The following MTA3 variants were observed in gnomAD, a reference collection of about 807,000 sequenced individuals.
MTA3 encodes the protein metastasis-associated protein MTA3.
In MTA3, 34 loss-of-function variants were observed where a neutral mutation model predicts 83.5. That is an observed-to-expected ratio of 0.41 (90% confidence interval 0.31 to 0.54). MTA3 has a LOEUF of 0.54. Ranked by LOEUF, MTA3 falls within the 20% of genes least tolerant of loss-of-function variation. MTA3 has a pLI of 0.33. For missense variants in MTA3, 761 were observed against 726.4 expected (o/e 1.05, Z -0.55); for synonymous variants, 303 against 252.7 (o/e 1.20, Z -1.89).
Position 42,602,584 on chromosome 2 carries a change from T to TA in MTA3, c.191-6873dup, listed in dbSNP as rs576630457. Among the ~76,000 whole-genome samples the TA allele has an allele frequency of 1.2e-3, 190 of 152,268 alleles. 1 individual carries two copies. The highest frequency in any genetic ancestry group is 4.4e-3 in the African/African-American group (181 of 41,550). On this transcript the variant is annotated intron_variant, in intron 3 of 16. Coordinates refer to ENST00000405094, the MANE Select transcript of MTA3 (RefSeq NM_001330442.2). ...TTCAGTCTTTTAAATTTTTAGCTATTATGGTACCATAAGTTTAATGCTTCA... is the reference window on the plus strand; with the variant it reads ...TTCAGTCTTTTAAATTTTTAGCTATTAATGGTACCATAAGTTTAATGCTTCA...
intron 2 of MTA3, 61 bp from the exon 3 acceptor site, chr2:42,579,046 T>G: frequency 2.6e-6 from 3 of 1,146,430 alleles, no homozygotes; most frequent in Non-Finnish European, 3.7e-6. Flanking sequence ...CTAGTTTCGT[T>G]GTATAAATTA....
chr2:42,689,122 T>C (rs878858346), intron 9 of MTA3, among the ~76,000 whole-genome samples: 2 of 152,212 alleles, frequency 1.3e-5, no homozygotes, highest in Non-Finnish European at 2.9e-5. Flanking sequence ...TCTTTTGATA[T>C]GGTGAATAAC....
Position 42,570,433 on chromosome 2 carries a change from A to G in MTA3, c.29-4A>G, listed in dbSNP as rs1229814915. The stretch of plus-strand genomic sequence containing the variant: ...ATTAAGTTCTGTACTTCCTTTAATT[A>G]CAGATTATGTCTACTTTGAGAATTC... On this transcript the variant is annotated splice_region_variant and splice_polypyrimidine_tract_variant and intron_variant, in intron 1 of 16. Coordinates refer to ENST00000405094, the MANE Select transcript of MTA3 (RefSeq NM_001330442.2). The G allele has an allele frequency of 1.3e-6, 2 of 1,515,120 alleles. No individual in the cohort carries two copies. Among genetic ancestry groups the G allele is most frequent in the South Asian group, 1.2e-5 (1 of 82,206 alleles). The allele number at this position is 1,515,120 out of a possible 1,614,324, so 93.9% of individuals were successfully genotyped here.
At chr2:42,594,323 G>A (rs939596641) in intron 3 of MTA3, among the ~76,000 whole-genome samples, 1 of 141,932 alleles carries the variant, frequency 7.0e-6, no homozygotes, top group Non-Finnish European at 1.5e-5. Context: ...AGCAACCTCT[G>A]CCTCCCGGGC....
chr2:42,499,865 A>AGT (rs1674317323), intron 2 of MTA3, among the ~76,000 whole-genome samples: 1 of 152,150 alleles, frequency 6.6e-6, no homozygotes, highest in African/African-American at 2.4e-5. Context: ...CAGTTTCAAA[A>AGT]GTGTATACTC....
Position 42,676,636 on chromosome 2 carries a change from T to G in MTA3, c.703-5765T>G, listed in dbSNP as rs1691377096. ...CAAAAATTAGCTGGGCATTGTGGCA[T>G]GCACCTGTAGTCCCAGTTACTTGGG... On this transcript the variant is annotated intron_variant, in intron 8 of 16. Transcript: ENST00000405094. Among the ~76,000 whole-genome samples the G allele has an allele frequency of 2.0e-5, 3 of 152,230 alleles. No individual in the cohort carries two copies. In the South Asian group the frequency reaches 6.2e-4, roughly 32 times the overall value.
At chr2:42,708,162 C>G in intron 13 of MTA3, 108 bp downstream of exon 13, 1 of 1,136,964 alleles carries the variant, frequency 8.8e-7, no homozygotes, top group South Asian at 2.1e-5. Flanking sequence ...AGAAAGCTAC[C>G]TTTATAGCTA....
At chr2:42,633,903 C>A (rs1429381889) in intron 4 of MTA3, among the ~76,000 whole-genome samples, 1 of 150,442 alleles carries the variant, frequency 6.6e-6, no homozygotes, top group Non-Finnish European at 1.5e-5. Context: ...AAAAAAAAAA[C>A]ATATTCTTTC....
chr2:42,543,757 A>G (rs1420668729), intron 2 of MTA3, among the ~76,000 whole-genome samples: 1 of 148,504 alleles, frequency 6.7e-6, no homozygotes, highest in Non-Finnish European at 1.5e-5. Context: ...AAGTGCTGGG[A>G]TTACAGGCAT....
At chr2:42,670,974 T>C (rs570063200) in intron 8 of MTA3, among the ~76,000 whole-genome samples, 2 of 152,166 alleles carry the variant, frequency 1.3e-5, no homozygotes, top group Non-Finnish European at 2.9e-5. Flanking sequence ...TAATGTTCTT[T>C]ATGGCAAAAG....
At chr2:42,652,714 C>G (rs1424503306) in intron 6 of MTA3, among the ~76,000 whole-genome samples, 2 of 152,060 alleles carry the variant, frequency 1.3e-5, no homozygotes, top group African/African-American at 4.8e-5. Context: ...TATATAAAAT[C>G]TCCAATTTTA....
At chr2:42,673,896 G>T (rs769324254) in intron 8 of MTA3, among the ~76,000 whole-genome samples, 4 of 152,208 alleles carry the variant, frequency 2.6e-5, no homozygotes, top group African/African-American at 9.6e-5. Flanking sequence ...AACACTTCTG[G>T]CAACTAGGTG....
At chr2:42,532,382 T>C (rs888558671) in intron 2 of MTA3, among the ~76,000 whole-genome samples, 2 of 151,372 alleles carry the variant, frequency 1.3e-5, no homozygotes, top group East Asian at 1.9e-4. Context: ...TCATGGCGGG[T>C]GACTGTAATC....
At chr2:42,497,228 A>C (rs1221130503) in intron 2 of MTA3, among the ~76,000 whole-genome samples, 1 of 151,812 alleles carries the variant, frequency 6.6e-6, no homozygotes, top group Non-Finnish European at 1.5e-5. Context: ...TTTCAAAAAA[A>C]AACAAAACAA....
chr2:42,683,246 G>C (rs972435204), intron 9 of MTA3, among the ~76,000 whole-genome samples: 1 of 152,182 alleles, frequency 6.6e-6, no homozygotes, highest in African/African-American at 2.4e-5. Context: ...TAGACTAGTT[G>C]CTCTGCTTTA....
In MTA3 at chr2:42,581,566, A is replaced by G. The variant is rs186156017; in HGVS notation, c.190+2366A>G. Reference sequence around the variant, plus strand: ...TAAAAAACTTTTTTTTTTTTTTGGTAGAAATGGGGTCTTGTTATGTTGCCA... The same window carrying G: ...TAAAAAACTTTTTTTTTTTTTTGGTGGAAATGGGGTCTTGTTATGTTGCCA... On this transcript the variant is annotated intron_variant, in intron 3 of 16. Transcript: ENST00000405094. Among the ~76,000 whole-genome samples the G allele has an allele frequency of 4.8e-5, 7 of 147,030 alleles. No homozygotes were observed. The East Asian group carries it at 1.4e-3, about 29-fold the overall frequency.
rs575122616 is a variant in MTA3, at chr2:42,595,234, C to T, written c.191-14224C>T. On this transcript the variant is annotated intron_variant, in intron 3 of 16. Coordinates refer to ENST00000405094, the MANE Select transcript of MTA3 (RefSeq NM_001330442.2). ...ACGCCATTCTCCTGCCTCAGCCTCCCGAGTAGCTGGGACTACAGGTGCCTG... is the reference window on the plus strand; with the variant it reads ...ACGCCATTCTCCTGCCTCAGCCTCCTGAGTAGCTGGGACTACAGGTGCCTG... 3.4e-4 allele frequency among the ~76,000 whole-genome samples: 51 copies of T among 149,898 alleles called. No individual in the cohort carries two copies. The South Asian group carries it at 6.8e-3, about 20-fold the overall frequency.
chr2:42,588,773 A>G (rs72973128), intron 3 of MTA3, among the ~76,000 whole-genome samples: 1 of 150,656 alleles, frequency 6.6e-6, no homozygotes, highest in African/African-American at 2.4e-5. Flanking sequence ...ATACAGACAC[A>G]TATGTATGCA....
intron 4 of MTA3, among the ~76,000 whole-genome samples, chr2:42,629,338 C>T (rs1434287822): frequency 6.6e-6 from 1 of 152,144 alleles, no homozygotes; most frequent in African/African-American, 2.4e-5. Flanking sequence ...CTCGGCCTCC[C>T]AAAGTGCTGG....
Sources: gnomAD v4.1 joint callset for allele counts (sites outside exome capture counted in the v4.1 genomes callset) on GRCh38, gnomAD v4.1.1 for gene constraint, MANE v1.5 for transcripts, NCBI Gene and HGNC (gene_info 2026-07-23, HGNC 2026-07-21) for gene names.